Variants in PIEZO2 observed in about 807,000 individuals in gnomAD.
PIEZO2 encodes the protein piezo type mechanosensitive ion channel component 2.
A neutral mutation model predicts 337.3 loss-of-function variants in PIEZO2; 172 were observed. That is an observed-to-expected ratio of 0.51 (90% confidence interval 0.45 to 0.58). PIEZO2 has a LOEUF of 0.58. Among genes scored for constraint, PIEZO2 ranks in the 20% least tolerant of loss-of-function variants. PIEZO2 has a pLI of 0.00. For missense variants in PIEZO2, 3,028 were observed against 3,391.3 expected, an observed-to-expected ratio of 0.89 and a Z score of 2.66; for synonymous variants, 1,251 against 1,228.5, an observed-to-expected ratio of 1.02 and a Z score of -0.38.
Position 10,726,238 on chromosome 18 carries a change from A to C in PIEZO2, c.5029+5169T>G. 3.1e-5 allele frequency: 23 copies of C among 731,958 alleles called. No homozygotes were observed. The highest frequency in any genetic ancestry group is 2.3e-4 in the Middle Eastern group (1 of 4,382). The allele number at this position is 731,958 out of a possible 1,614,324, so 45.3% of individuals were successfully genotyped here. ...GGGCTTCACGCTGCCTGGGGCTGGAAGAGCTTGTGTGCGAGCCTGTGTTCG... is the reference window on the plus strand; with the variant it reads ...GGGCTTCACGCTGCCTGGGGCTGGACGAGCTTGTGTGCGAGCCTGTGTTCG... On this transcript the variant is annotated intron_variant, in intron 36 of 55. Transcript: ENST00000674853. This position sits in a 1 kb window ranked among gnomAD's most constrained non-coding sequence, Gnocchi z 5.9.
rs142350824 is a variant in PIEZO2 at position 10,779,448 on chromosome 18, C to G, written c.2534+877G>C. On this transcript the variant is annotated intron_variant, in intron 18 of 55. Transcript: ENST00000674853. ...CCCAAAGGATAACTCTGGAGGATAA[C>G]CTATTGCACGACATTTATCAAAACT... Among the ~76,000 whole-genome samples, 233 of 152,246 alleles carry G rather than the reference C, an allele frequency of 1.5e-3. 2 individuals are homozygous for G. The highest frequency in any genetic ancestry group is 2.6e-3 in the Non-Finnish European group (174 of 68,004).
rs145365976 is a variant in PIEZO2 at position 11,131,538 on chromosome 18, G to A, written c.64+16987C>T. Reference sequence around the variant, plus strand: ...AGCCCCTTTCTAGGAAATCCTTGAAGGACAGCGGTGAAGGGAAATCTTCCC... The same window carrying A: ...AGCCCCTTTCTAGGAAATCCTTGAAAGACAGCGGTGAAGGGAAATCTTCCC... On this transcript the variant is annotated intron_variant, in intron 1 of 55. Coordinates refer to ENST00000674853, the MANE Select transcript of PIEZO2 (RefSeq NM_001378183.1). This position sits in a 1 kb window ranked among gnomAD's most constrained non-coding sequence, Gnocchi z 5.3. Among the ~76,000 whole-genome samples the A allele has an allele frequency of 3.3e-5, 5 of 152,324 alleles. No individual in the cohort carries two copies. In the East Asian group the frequency reaches 9.7e-4, roughly 29 times the overall value.
At chr18:11,039,315 G>GA in intron 2 of PIEZO2, among the ~76,000 whole-genome samples, 2 of 152,238 alleles carry the variant, frequency 1.3e-5, no homozygotes, top group South Asian at 4.1e-4. Context: ...GCAGAAAGGG[G>GA]AAAAACAGAC....
In PIEZO2 at chr18:11,083,164, G is replaced by A. The variant is rs2038808209; in HGVS notation, c.65-16942C>T. On this transcript the variant is annotated intron_variant, in intron 1 of 55. Transcript: ENST00000674853. This position sits in a 1 kb window ranked among gnomAD's most constrained non-coding sequence, Gnocchi z 4.4. ...CCTTTGCATACCTTGCCTGAAGCTG[G>A]TATAAAGACAGACTTCTCTTAGACA... Among the ~76,000 whole-genome samples the A allele has an allele frequency of 6.6e-6, 1 of 152,142 alleles. No homozygotes were observed. The highest frequency in any genetic ancestry group is 2.1e-4 in the South Asian group (1 of 4,826).
chr18:11,053,956 G>T (rs2037625376), intron 2 of PIEZO2, among the ~76,000 whole-genome samples: 1 of 152,102 alleles, frequency 6.6e-6, no homozygotes, highest in Admixed American at 6.5e-5. Flanking sequence ...CCTGGGAGGT[G>T]GAGGCTGCAG....
At position 10,940,634 on chromosome 18, in the gene PIEZO2, C is replaced by T. The variant is rs558975108; in HGVS notation, c.287-29406G>A. Reference sequence around the variant, plus strand: ...ATCCCAACACTTCGAGAGGCCCAGGCGGGCGGCTCACAAGGCCAAGTGATT... The same window carrying T: ...ATCCCAACACTTCGAGAGGCCCAGGTGGGCGGCTCACAAGGCCAAGTGATT... On this transcript the variant is annotated intron_variant, in intron 3 of 55. Transcript: ENST00000674853. This position sits in a 1 kb window ranked among gnomAD's most constrained non-coding sequence, Gnocchi z 5.3. Among the ~76,000 whole-genome samples the T allele has an allele frequency of 2.0e-4, 30 of 152,318 alleles. No homozygotes were observed. Among genetic ancestry groups the T allele is most frequent in the South Asian group, 4.1e-4 (2 of 4,830 alleles).
In PIEZO2 at chr18:10,811,971, T is replaced by C. The variant is rs867915094; in HGVS notation, c.918-4697A>G. On this transcript the variant is annotated intron_variant, in intron 7 of 55. Coordinates refer to ENST00000674853, the MANE Select transcript of PIEZO2 (RefSeq NM_001378183.1). ...GCCTCAGCCTCCCGAGTAGCTGAGA[T>C]TACAGGCGCCCGCCACCACGCCCGG... Among the ~76,000 whole-genome samples, 22 of 152,300 alleles carry C rather than the reference T, an allele frequency of 1.4e-4. No individual in the cohort carries two copies. The Middle Eastern group carries it at 0.01, about 71-fold the overall frequency.
intron 3 of PIEZO2, among the ~76,000 whole-genome samples, chr18:10,967,018 G>GTTTTTTT (rs1281379698): frequency 2.3e-4 from 28 of 122,846 alleles, no homozygotes; most frequent in East Asian, 4.6e-4. Context: ...TCTGTTTTTT[G>GTTTTTTT]TTTTTTTTTT....
chr18:10,868,421 C>A (rs1048714829), intron 5 of PIEZO2, among the ~76,000 whole-genome samples: 9 of 152,156 alleles, frequency 5.9e-5, no homozygotes, highest in Admixed American at 5.9e-4. Context: ...CACATGGAAG[C>A]AATTTTTCCT....
intron 2 of PIEZO2, among the ~76,000 whole-genome samples, chr18:11,057,605 T>C (rs1395887407): frequency 6.6e-6 from 1 of 152,196 alleles, no homozygotes; most frequent in African/African-American, 2.4e-5. Flanking sequence ...GATAATACTA[T>C]AGACTTCCCA....
intron 28 of PIEZO2, among the ~76,000 whole-genome samples, chr18:10,751,042 C>A (rs954800232): frequency 6.6e-6 from 1 of 152,196 alleles, no homozygotes; most frequent in Non-Finnish European, 1.5e-5. Context: ...GGCATCACCT[C>A]CAGGAAGCCT....
intron 2 of PIEZO2, among the ~76,000 whole-genome samples, chr18:11,040,381 C>A (rs2037078693): frequency 6.6e-6 from 1 of 151,900 alleles, no homozygotes; most frequent in African/African-American, 2.4e-5. Flanking sequence ...AAGAAAATAT[C>A]CAATAAAGGT....
At chr18:10,925,797 T>G (rs1357982263) in intron 3 of PIEZO2, among the ~76,000 whole-genome samples, 1 of 152,136 alleles carries the variant, frequency 6.6e-6, no homozygotes, top group Admixed American at 6.5e-5. Flanking sequence ...CTCGATCTCC[T>G]GACCTCGTGA....
At chr18:11,013,758 T>C (rs2035985633) in intron 2 of PIEZO2, among the ~76,000 whole-genome samples, 1 of 152,128 alleles carries the variant, frequency 6.6e-6, no homozygotes, top group Admixed American at 6.5e-5. Context: ...AATAAGAAAC[T>C]AAATGGTCCT....
intron 27 of PIEZO2, among the ~76,000 whole-genome samples, chr18:10,755,411 G>A: frequency 6.6e-6 from 1 of 152,134 alleles, no homozygotes; most frequent in East Asian, 1.9e-4. Flanking sequence ...AGCTAATAAG[G>A]GGGTATGAAA....
intron 44 of PIEZO2, 22 bp downstream of exon 44, chr18:10,698,903 G>C: frequency 2.0e-6 from 3 of 1,535,836 alleles, no homozygotes; most frequent in Non-Finnish European, 2.6e-6. Context: ...CTACAGCCTA[G>C]ATATATTGTG....
chr18:10,762,524 A>G lies in PIEZO2; in HGVS notation c.3225T>C (p.Ser1075=). 6.5e-7 allele frequency: 1 copy of G among 1,537,326 alleles called. No homozygotes were observed. Residue 1075 remains serine (S), a synonymous_variant, in exon 23 of 56, where the codon TCT becomes TCC. Coordinates refer to ENST00000674853, the MANE Select transcript of PIEZO2 (RefSeq NM_001378183.1). The part of the protein sequence containing the change: ...DPTEWVGLRK[S]SPLLVYLRNN... ...CCCTCAGGTAGACTAGCAGAGGCGAAGACTTCCGCAGGCCGACCCACTCTG... is the reference window on the plus strand; with the variant it reads ...CCCTCAGGTAGACTAGCAGAGGCGAGGACTTCCGCAGGCCGACCCACTCTG...
rs2039533401 is a variant in PIEZO2 at position 10,795,135 on chromosome 18, G to T, written c.1528-133C>A. The T allele has an allele frequency of 2.6e-6, 2 of 761,514 alleles. No individual in the cohort carries two copies. The highest frequency in any genetic ancestry group is 1.9e-5 in the South Asian group (1 of 51,544). The allele number at this position is 761,514 out of a possible 1,614,324, so 47.2% of individuals were successfully genotyped here. ...CCAGGGAGAGTAGAGAGTTGTGGTGGAGTGATGGAGACCCCAAGCCGTGGA... is the reference window on the plus strand; with the variant it reads ...CCAGGGAGAGTAGAGAGTTGTGGTGTAGTGATGGAGACCCCAAGCCGTGGA... On this transcript the variant is annotated intron_variant, in intron 12 of 55. Coordinates refer to ENST00000674853, the MANE Select transcript of PIEZO2 (RefSeq NM_001378183.1). The surrounding 1 kb of genome is among the most constrained non-coding windows in gnomAD (Gnocchi z 4.4).
chr18:10,813,943 C>T lies in PIEZO2; in HGVS notation c.918-6669G>A, dbSNP rs1183114120. On this transcript the variant is annotated intron_variant, in intron 7 of 55. Transcript: ENST00000674853. The surrounding 1 kb of genome is among the most constrained non-coding windows in gnomAD (Gnocchi z 4.2). ...TTTTATGCTTTTCAGAGTAGTCATCCTAATAGGTGTGAGATGGGACACCAT... is the reference window on the plus strand; with the variant it reads ...TTTTATGCTTTTCAGAGTAGTCATCTTAATAGGTGTGAGATGGGACACCAT... 6.6e-6 allele frequency among the ~76,000 whole-genome samples: 1 copy of T among 151,834 alleles called. No individual in the cohort carries two copies. Among genetic ancestry groups the T allele is most frequent in the Non-Finnish European group, 1.5e-5 (1 of 67,980 alleles).
Sources: allele counts gnomAD v4.1 joint callset (sites outside exome capture counted in the v4.1 genomes callset), GRCh38; gene constraint gnomAD v4.1.1; non-coding constraint Gnocchi (gnomAD v3.1); transcripts MANE v1.5; gene names NCBI Gene and HGNC (gene_info 2026-07-23, HGNC 2026-07-21).